QTMAN: variants seen among roughly 807,000 people sequenced by gnomAD.
QTMAN encodes the protein tRNA-queuosine alpha-mannosyltransferase.
the QTMAN span, among the ~76,000 whole-genome samples, chr2:144,135,590 A>G: frequency 1.3e-5 from 2 of 152,248 alleles, no homozygotes; most frequent in African/African-American, 4.8e-5. Flanking sequence ...CCTTTTAAAA[A>G]TATGCTTTCA....
At chr2:143,991,593 C>A in the QTMAN span, among the ~76,000 whole-genome samples, 2 of 145,986 alleles carry the variant, frequency 1.4e-5, no homozygotes, top group East Asian at 2.1e-4. Flanking sequence ...CCAGCCGCCT[C>A]GTCCGGGAGG....
the QTMAN span, among the ~76,000 whole-genome samples, chr2:143,953,364 ATT>A: frequency 6.6e-6 from 1 of 151,884 alleles, no homozygotes; most frequent in South Asian, 2.1e-4. Flanking sequence ...CTTCAAAACA[ATT>A]TGTTATTATG....
chr2:144,123,269 C>T, the QTMAN span, among the ~76,000 whole-genome samples: 1 of 152,190 alleles, frequency 6.6e-6, no homozygotes, highest in Admixed American at 6.5e-5. Flanking sequence ...TAGAATATTA[C>T]TTTTTCTGTC....
chr2:144,084,576 C>T, the QTMAN span, among the ~76,000 whole-genome samples: 3 of 152,180 alleles, frequency 2.0e-5, no homozygotes, highest in African/African-American at 7.2e-5. Context: ...TGATGCTTGT[C>T]CGCAAAAGTC....
chr2:144,134,725 A>G, the QTMAN span, among the ~76,000 whole-genome samples: 1 of 152,164 alleles, frequency 6.6e-6, no homozygotes, highest in Non-Finnish European at 1.5e-5. Context: ...AAACCCAGAT[A>G]AAGTATATAT....
the QTMAN span, among the ~76,000 whole-genome samples, chr2:144,215,217 G>A: frequency 6.6e-6 from 1 of 151,060 alleles, no homozygotes; most frequent in East Asian, 1.9e-4. Context: ...ATTCCAGCCT[G>A]AGTGACAGAG....
the QTMAN span, among the ~76,000 whole-genome samples, chr2:144,277,934 C>A: frequency 6.6e-6 from 1 of 152,106 alleles, no homozygotes; most frequent in Non-Finnish European, 1.5e-5. Flanking sequence ...CAATTAGGAT[C>A]TGCATATGCC....
the QTMAN span, among the ~76,000 whole-genome samples, chr2:144,159,039 G>C: frequency 2.6e-5 from 4 of 152,114 alleles, no homozygotes; most frequent in East Asian, 7.7e-4. Context: ...AAGATTGGTT[G>C]ATTTGCAATA....
At chr2:144,231,843 GGTGTGTGT>G in the QTMAN span, among the ~76,000 whole-genome samples, 11,580 of 138,354 alleles carry the variant, frequency 0.084, 494 homozygotes, top group Middle Eastern at 0.13. Flanking sequence ...GAATGAAAGA[GGTGTGTGT>G]GTGTGTGTGT....
the QTMAN span, among the ~76,000 whole-genome samples, chr2:144,076,603 T>C: frequency 2.6e-5 from 4 of 152,150 alleles, no homozygotes; most frequent in East Asian, 7.7e-4. Context: ...AACAGTCTGC[T>C]CACTTAATAG....
At chr2:144,213,023 G>C in the QTMAN span, among the ~76,000 whole-genome samples, 1 of 151,956 alleles carries the variant, frequency 6.6e-6, no homozygotes, top group Non-Finnish European at 1.5e-5. Flanking sequence ...ATTCATAATC[G>C]AAAGGGGATA....
At chr2:144,188,178 A>C in the QTMAN span, among the ~76,000 whole-genome samples, 1 of 152,270 alleles carries the variant, frequency 6.6e-6, no homozygotes, top group Non-Finnish European at 1.5e-5. Flanking sequence ...CAGATGGTCA[A>C]ATCAGTGCAA....
the QTMAN span, among the ~76,000 whole-genome samples, chr2:144,313,382 A>T: frequency 3.3e-5 from 5 of 152,166 alleles, no homozygotes; most frequent in Non-Finnish European, 7.4e-5. Context: ...ATTCCTAGTC[A>T]TCATTCTATT....
the QTMAN span, among the ~76,000 whole-genome samples, chr2:144,257,286 A>G: frequency 3.9e-5 from 6 of 152,136 alleles, no homozygotes; most frequent in African/African-American, 1.4e-4. Context: ...TAAAATTTGA[A>G]TGGTTCTAAA....
At chr2:144,125,969 G>A in the QTMAN span, among the ~76,000 whole-genome samples, 30 of 152,104 alleles carry the variant, frequency 2.0e-4, no homozygotes, top group African/African-American at 7.0e-4. Context: ...TTAAGTCAAT[G>A]GGAAATGGAG....
At chr2:144,090,648 A>T in the QTMAN span, among the ~76,000 whole-genome samples, 5 of 152,206 alleles carry the variant, frequency 3.3e-5, no homozygotes, top group Non-Finnish European at 4.4e-5. Context: ...AGTATACATC[A>T]AACAAAAGAT....
At chr2:143,965,764 G>A in the QTMAN span, among the ~76,000 whole-genome samples, 1 of 152,184 alleles carries the variant, frequency 6.6e-6, no homozygotes, top group Non-Finnish European at 1.5e-5. Flanking sequence ...TGGAGGTGGA[G>A]GTGGGAATCT....
At chr2:144,240,739 AGTAGAACAG>A in the QTMAN span, among the ~76,000 whole-genome samples, 8 of 152,236 alleles carry the variant, frequency 5.3e-5, no homozygotes, top group African/African-American at 1.9e-4. Context: ...CACACAAACA[AGTAGAACAG>A]GTTAAAACAG....
At chr2:144,190,009 T>C in the QTMAN span, among the ~76,000 whole-genome samples, 1 of 152,240 alleles carries the variant, frequency 6.6e-6, no homozygotes, top group Non-Finnish European at 1.5e-5. Flanking sequence ...ATATACTTCA[T>C]AACATTAAGG....
Sources: allele counts gnomAD v4.1 joint callset (sites outside exome capture counted in the v4.1 genomes callset), GRCh38; gene constraint gnomAD v4.1.1; transcripts MANE v1.5; gene names NCBI Gene and HGNC (gene_info 2026-07-23, HGNC 2026-07-21).